DGKH: variants seen among roughly 807,000 people sequenced by gnomAD.
DGKH encodes diacylglycerol kinase eta, also known as DAG kinase eta.
Under a neutral mutation model 159.3 loss-of-function variants are expected in DGKH, and 90 were observed. The ratio of observed to expected loss-of-function variants is 0.57; its 90% CI spans 0.48 to 0.67. DGKH has a LOEUF of 0.67. Among genes scored for constraint, DGKH ranks in the 30% least tolerant of loss-of-function variants. The probability of loss-of-function intolerance (pLI) is 0.00; values close to 1 mark genes in which losing one functional copy is unlikely to be tolerated. For missense variants in DGKH, 1,181 were observed against 1,506.1 expected (o/e 0.78, Z 3.57); for synonymous variants, 536 against 553.8 (o/e 0.97, Z 0.45).
At position 42,230,536 on chromosome 13, in the gene DGKH, A is replaced by G. The variant is rs1051631822; in HGVS notation, c.*1348A>G. ...TAAATAAGCTTTCTTTAGCCATTAT[A>G]TACCAAAACATTAATTATAATATTT... On this transcript the variant is annotated 3_prime_UTR_variant, in exon 30 of 30. Transcript: ENST00000337343. The G allele has an allele frequency of 6.6e-6, 1 of 152,138 alleles. No homozygotes were observed. The highest frequency in any genetic ancestry group is 2.4e-5 in the African/African-American group (1 of 41,436). The allele number at this position is 152,138 out of a possible 1,614,324, so 9.4% of individuals were successfully genotyped here.
chr13:42,131,063 A>C (rs1281084431), intron 3 of DGKH, among the ~76,000 whole-genome samples: 1 of 151,948 alleles, frequency 6.6e-6, no homozygotes, highest in Non-Finnish European at 1.5e-5. Flanking sequence ...GTTAACTTGG[A>C]GGTCATTTGG....
Position 42,221,392 on chromosome 13 carries a change from A to G in DGKH, c.3571A>G (p.Lys1191Glu), listed in dbSNP as rs939683375. 10 of 1,613,378 alleles carry G rather than the reference A, an allele frequency of 6.2e-6. No individual in the cohort carries two copies. Among genetic ancestry groups the G allele is most frequent in the Non-Finnish European group, 6.8e-6 (8 of 1,179,454 alleles). Residue 1191 changes from lysine (K) to glutamate (E), a missense_variant and splice_region_variant, in exon 29 of 30, where the codon AAG (lysine) becomes GAG (glutamate). Lys to Glu is a moderately conservative substitution (Grantham distance 56). Coordinates refer to ENST00000337343, the MANE Select transcript of DGKH (RefSeq NM_178009.5). ...ELLHLERRDLKDLGIPKVGHV... is the reference protein window; with the variant it reads ...ELLHLERRDLEDLGIPKVGHV... ...TTTGCATCTGGAAAGGCGAGATCTTAAGGTATTTCCTTTGTGCTCTTCTGT... is the reference window on the plus strand; with the variant it reads ...TTTGCATCTGGAAAGGCGAGATCTTGAGGTATTTCCTTTGTGCTCTTCTGT...
At chr13:42,251,437 T>C in intron 29 of DGKH, among the ~76,000 whole-genome samples, 1 of 152,208 alleles carries the variant, frequency 6.6e-6, no homozygotes, top group East Asian at 1.9e-4. Flanking sequence ...TTATTTATTT[T>C]ATATCTATAT....
At chr13:42,062,700 A>G (rs1325978476) in intron 1 of DGKH, among the ~76,000 whole-genome samples, 1 of 152,212 alleles carries the variant, frequency 6.6e-6, no homozygotes, top group African/African-American at 2.4e-5. Context: ...CATAATCCAG[A>G]CTTCAACTTT....
At chr13:42,173,985 G>GCA (rs1697157761) in intron 11 of DGKH, 75 bp from the exon 12 acceptor site, 14 of 948,090 alleles carry the variant, frequency 1.5e-5, no homozygotes, top group Admixed American at 1.1e-4. Flanking sequence ...GTGTGTGTGC[G>GCA]CGTTTATGAG....
chr13:42,058,060 G>A (rs894870854), intron 1 of DGKH, among the ~76,000 whole-genome samples: 1 of 152,116 alleles, frequency 6.6e-6, no homozygotes, highest in Non-Finnish European at 1.5e-5. Context: ...GTTTTGTTGG[G>A]TTTTAGAGGG....
At chr13:42,071,535 C>T (rs1882968047) in intron 1 of DGKH, among the ~76,000 whole-genome samples, 1 of 152,218 alleles carries the variant, frequency 6.6e-6, no homozygotes, top group African/African-American at 2.4e-5. Context: ...TGGACTGGTC[C>T]TGAGCAGCAT....
At chr13:42,045,033 T>A (rs61959177), upstream of DGKH, among the ~76,000 whole-genome samples, 22,510 of 152,230 alleles carry the variant, frequency 0.15, 1,813 homozygotes, top group African/African-American at 0.17. Flanking sequence ...GGCTCATGCC[T>A]GTAATCCCAA....
intron 1 of DGKH, among the ~76,000 whole-genome samples, chr13:42,116,147 T>C (rs146399185): frequency 6.6e-6 from 1 of 152,168 alleles, no homozygotes; most frequent in African/African-American, 2.4e-5. Flanking sequence ...CTGTTAACTA[T>C]AGAGGCTTAG....
intron 26 of DGKH, 62 bp downstream of exon 26, chr13:42,215,729 A>G: frequency 4.9e-6 from 7 of 1,416,526 alleles, no homozygotes; most frequent in Non-Finnish European, 5.9e-6. Flanking sequence ...TCTTACCTTC[A>G]TTGGGGAACA....
chr13:42,168,938 G>C, intron 11 of DGKH, 120 bp downstream of exon 11: 1 of 1,126,786 alleles, frequency 8.9e-7, no homozygotes, highest in Non-Finnish European at 1.2e-6. Context: ...CACGAAGGCA[G>C]AGCCTTCCTG....
At chr13:42,097,899 A>C (rs978195128) in intron 1 of DGKH, among the ~76,000 whole-genome samples, 1 of 152,186 alleles carries the variant, frequency 6.6e-6, no homozygotes, top group Admixed American at 6.5e-5. Context: ...TGGTACTGCC[A>C]GTTTTTGAGA....
chr13:42,244,083 G>A (rs1958556889), downstream of DGKH, among the ~76,000 whole-genome samples: 1 of 152,282 alleles, frequency 6.6e-6, no homozygotes, highest in South Asian at 2.1e-4. Flanking sequence ...CAAATCCCAG[G>A]TTTCTGATAA....
At chr13:42,163,297 T>A (rs1287726573) in intron 7 of DGKH, among the ~76,000 whole-genome samples, 14 of 152,006 alleles carry the variant, frequency 9.2e-5, no homozygotes, top group Admixed American at 5.2e-4. Flanking sequence ...AGTCTTTGCT[T>A]TTGTGAATAG....
At chr13:42,205,717 A>G (rs1411737993) in intron 20 of DGKH, among the ~76,000 whole-genome samples, 2 of 152,172 alleles carry the variant, frequency 1.3e-5, no homozygotes, top group Non-Finnish European at 2.9e-5. Flanking sequence ...AAATAAGTAC[A>G]TAGAGGACCA....
At chr13:42,045,910 C>G (rs1880770636), upstream of DGKH, among the ~76,000 whole-genome samples, 1 of 152,180 alleles carries the variant, frequency 6.6e-6, no homozygotes, top group Non-Finnish European at 1.5e-5. Context: ...GAAAATAATA[C>G]ACGAATATTC....
At chr13:42,117,359 C>T (rs1000715743) in intron 1 of DGKH, among the ~76,000 whole-genome samples, 2 of 152,106 alleles carry the variant, frequency 1.3e-5, no homozygotes, top group African/African-American at 2.4e-5. Context: ...CTTAACCACA[C>T]TTTGATTGTA....
At chr13:42,118,626 G>A (rs551398172) in intron 1 of DGKH, among the ~76,000 whole-genome samples, 1 of 152,348 alleles carries the variant, frequency 6.6e-6, no homozygotes, top group South Asian at 2.1e-4. Flanking sequence ...GGTCAAGGAC[G>A]CCTTCCCAGG....
At chr13:42,079,154 G>T (rs560605284) in intron 1 of DGKH, among the ~76,000 whole-genome samples, 1 of 151,992 alleles carries the variant, frequency 6.6e-6, no homozygotes, top group South Asian at 2.1e-4. Flanking sequence ...GACCTCAGGT[G>T]ATCCACCTGC....
Sources: gnomAD v4.1 joint callset for allele counts (sites outside exome capture counted in the v4.1 genomes callset) on GRCh38, gnomAD v4.1.1 for gene constraint, MANE v1.5 for transcripts, NCBI Gene and HGNC (gene_info 2026-07-23, HGNC 2026-07-21) for gene names.